The following IPO8 variants were observed in gnomAD, a reference collection of about 807,000 sequenced individuals.
IPO8 encodes the protein importin 8.
IPO8 carries 65 observed loss-of-function variants against 141.2 expected under a neutral mutation model. The observed-to-expected ratio is 0.46, with a 90% confidence interval of 0.38 to 0.57. The LOEUF (loss-of-function observed/expected upper bound fraction) is 0.57, where lower values mean the gene tolerates loss of function less well. Among genes scored for constraint, IPO8 ranks in the 20% least tolerant of loss-of-function variants. The probability of loss-of-function intolerance (pLI) is 0.00; values close to 1 mark genes in which losing one functional copy is unlikely to be tolerated. For missense variants in IPO8, 980 were observed against 1,246.8 expected, an observed-to-expected ratio of 0.79 and a Z score of 3.22; for synonymous variants, 411 against 420.3, an observed-to-expected ratio of 0.98 and a Z score of 0.27.
At chr12:30,648,305 G>A (rs1259649615) in intron 20 of IPO8, among the ~76,000 whole-genome samples, 1 of 152,162 alleles carries the variant, frequency 6.6e-6, no homozygotes, top group African/African-American at 2.4e-5. Context: ...TATGACAAGT[G>A]AAAGAAGCCA....
At chr12:30,679,085 C>G (rs2053158513) in intron 5 of IPO8, among the ~76,000 whole-genome samples, 1 of 152,156 alleles carries the variant, frequency 6.6e-6, no homozygotes, top group Non-Finnish European at 1.5e-5. Context: ...GTGACCCACC[C>G]ACCTTGGCCT....
intron 2 of IPO8, 98 bp downstream of exon 2, chr12:30,690,398 G>A (rs1215029768): frequency 1.3e-6 from 1 of 759,752 alleles, no homozygotes; most frequent in African/African-American, 1.9e-5. Flanking sequence ...TAGTGCTTCT[G>A]AATTTTTCAA....
At chr12:30,655,500 C>T (rs2052786998) in intron 17 of IPO8, among the ~76,000 whole-genome samples, 1 of 152,130 alleles carries the variant, frequency 6.6e-6, no homozygotes, top group Non-Finnish European at 1.5e-5. Context: ...GTATATAATA[C>T]ATGGTTACTA....
At chr12:30,675,889 G>T (rs1464447619) in intron 6 of IPO8, among the ~76,000 whole-genome samples, 3 of 150,492 alleles carry the variant, frequency 2.0e-5, no homozygotes, top group Admixed American at 2.0e-4. Context: ...CAGTATAAAA[G>T]CATTCATAAT....
chr12:30,637,195 TTTTG>T lies in IPO8; in HGVS notation c.2490-12_2490-9del. 2 of 1,603,148 alleles carry T rather than the reference TTTTG, an allele frequency of 1.2e-6. No homozygotes were observed. The highest frequency in any genetic ancestry group is 1.7e-5 in the Admixed American group (1 of 58,204). On this transcript the variant is annotated splice_polypyrimidine_tract_variant and intron_variant, in intron 21 of 24. Transcript: ENST00000256079. ...ATCTTCCGGTCATGATGCCTGCAAA[TTTTG>T]AAGAAAAAAAAAATGTAGACATGAG...
At chr12:30,692,456 C>T in intron 1 of IPO8, among the ~76,000 whole-genome samples, 1 of 152,014 alleles carries the variant, frequency 6.6e-6, no homozygotes, top group East Asian at 1.9e-4. Context: ...CTACTTTACT[C>T]AGAAATAGTT....
At position 30,629,971 on chromosome 12, in the gene IPO8, T is replaced by G. The variant is rs2052408148; in HGVS notation, c.*889A>C. 1 of 152,202 alleles carries G rather than the reference T, an allele frequency of 6.6e-6. No individual in the cohort carries two copies. Among genetic ancestry groups the G allele is most frequent in the African/African-American group, 2.4e-5 (1 of 41,454 alleles). 9.4% of individuals were successfully genotyped at this position (152,202 alleles called of 1,614,324 possible). On this transcript the variant is annotated 3_prime_UTR_variant, in exon 25 of 25. Coordinates refer to ENST00000256079, the MANE Select transcript of IPO8 (RefSeq NM_006390.4). ...ACAGTGTGCTTACGTAGCACCTGTC[T>G]CTTAGAAGTTCAATGTGCTTTAGGT...
chr12:30,630,935 T>A lies in IPO8; in HGVS notation c.3039A>T (p.Gln1013His). The A allele has an allele frequency of 6.2e-7, 1 of 1,613,542 alleles. No homozygotes were observed. The highest frequency in any genetic ancestry group is 8.5e-7 in the Non-Finnish European group (1 of 1,179,932). Residue 1013 changes from glutamine (Q) to histidine (H), a missense_variant, in exon 25 of 25, where the codon CAA becomes CAT. Physicochemically the swap from Gln to His is conservative, Grantham distance 24. Coordinates refer to ENST00000256079, the MANE Select transcript of IPO8 (RefSeq NM_006390.4). The stretch of plus-strand genomic sequence containing the variant: ...TGTTTTCAAAGGTGAAGCCTCCCTG[T>A]TGTTCAATCTTCTTCTTTGCCTCTA... ...TVAEAKKKIE[Q>H]QGGFTFENKG...
Position 30,676,491 on chromosome 12 carries a change from T to A in IPO8, c.729+7A>T, listed in dbSNP as rs752880141. 1 of 1,606,632 alleles carries A rather than the reference T, an allele frequency of 6.2e-7. No homozygotes were observed. Among genetic ancestry groups the A allele is most frequent in the Non-Finnish European group, 8.5e-7 (1 of 1,173,622 alleles). On this transcript the variant is annotated splice_region_variant and intron_variant, in intron 6 of 24. Transcript: ENST00000256079. ...CCCTATTTTTCTTGGGAAAAGCTTT[T>A]TCTTACAGGAGGAACGGTCCTGTCG... is the stretch of plus-strand genomic sequence containing the variant.
chr12:30,690,029 A>AC (rs2053276658), intron 2 of IPO8, among the ~76,000 whole-genome samples: 1 of 152,212 alleles, frequency 6.6e-6, no homozygotes, highest in South Asian at 2.1e-4. Flanking sequence ...ACAGACTTAA[A>AC]AGTAAGTTTC....
intron 2 of IPO8, among the ~76,000 whole-genome samples, chr12:30,685,798 A>ACCT (rs1357040436): frequency 2.0e-5 from 3 of 150,876 alleles, no homozygotes; most frequent in Non-Finnish European, 4.4e-5. Flanking sequence ...GGTGGCAGGT[A>ACCT]CCTGTAATTC....
At chr12:30,637,956 C>A (rs1308437753) in intron 21 of IPO8, among the ~76,000 whole-genome samples, 1 of 152,214 alleles carries the variant, frequency 6.6e-6, no homozygotes, top group Admixed American at 6.5e-5. Flanking sequence ...CTACAGGCTT[C>A]TGTTATTCTT....
intron 13 of IPO8, 102 bp downstream of exon 13, chr12:30,665,118 C>A: frequency 1.5e-6 from 1 of 672,566 alleles, no homozygotes; most frequent in South Asian, 1.9e-5. Context: ...GACTCTATTT[C>A]ATCTCAATAT....
intron 1 of IPO8, among the ~76,000 whole-genome samples, chr12:30,692,720 G>A (rs1421819658): frequency 2.0e-5 from 3 of 151,916 alleles, no homozygotes; most frequent in Admixed American, 1.3e-4. Context: ...TTTCTGAACC[G>A]ATATTCCCTC....
intron 5 of IPO8, among the ~76,000 whole-genome samples, chr12:30,679,657 A>C (rs2053164594): frequency 6.6e-6 from 1 of 152,144 alleles, no homozygotes; most frequent in African/African-American, 2.4e-5. Flanking sequence ...TAAAAATATA[A>C]ATCTTTATTA....
At chr12:30,657,502 T>C (rs1361174295) in intron 16 of IPO8, among the ~76,000 whole-genome samples, 1 of 152,142 alleles carries the variant, frequency 6.6e-6, no homozygotes, top group East Asian at 1.9e-4. Flanking sequence ...AACTTACCCA[T>C]ACAAATGACG....
At chr12:30,631,174 G>A (rs971384279) in intron 24 of IPO8, among the ~76,000 whole-genome samples, 1 of 152,078 alleles carries the variant, frequency 6.6e-6, no homozygotes, top group Non-Finnish European at 1.5e-5. Flanking sequence ...TGCAAAAAAC[G>A]AGTGAAAAGA....
At chr12:30,656,947 A>G (rs540827408) in intron 16 of IPO8, among the ~76,000 whole-genome samples, 197 bp from the exon 17 acceptor site, 2 of 152,272 alleles carry the variant, frequency 1.3e-5, no homozygotes, top group Non-Finnish European at 2.9e-5. Flanking sequence ...GGTAAAATCC[A>G]TAACAATTTA....
At chr12:30,645,171 G>A (rs1374978986) in intron 20 of IPO8, among the ~76,000 whole-genome samples, 1 of 151,564 alleles carries the variant, frequency 6.6e-6, no homozygotes, top group African/African-American at 2.4e-5. Flanking sequence ...TCAGGAGTTC[G>A]AGATCAGCCT....
Sources: allele counts gnomAD v4.1 joint callset (sites outside exome capture counted in the v4.1 genomes callset), GRCh38; gene constraint gnomAD v4.1.1; transcripts MANE v1.5; gene names NCBI Gene and HGNC (gene_info 2026-07-23, HGNC 2026-07-21).